Variants in ADGRL3 observed in about 807,000 individuals in gnomAD.
The protein encoded by ADGRL3 is adhesion G protein-coupled receptor L3, also known as calcium-independent alpha-latrotoxin receptor 3.
A neutral mutation model predicts 153.5 loss-of-function variants in ADGRL3; 62 were observed. The observed-to-expected ratio is 0.40, with a 90% CI of 0.33 to 0.50. ADGRL3 has a LOEUF of 0.50. Among genes scored for constraint, ADGRL3 ranks in the 20% least tolerant of loss-of-function variants. ADGRL3 has a pLI of 0.47. For synonymous variants in ADGRL3, 710 were observed against 672.5 expected (o/e 1.06, Z -0.86); for missense variants, 1,641 against 1,859.4 (o/e 0.88, Z 2.16).
chr4:61,710,293 A>T (rs1189286244), intron 6 of ADGRL3, among the ~76,000 whole-genome samples: 4 of 152,194 alleles, frequency 2.6e-5, no homozygotes, highest in African/African-American at 9.7e-5. Context: ...CATAAAGAAA[A>T]GCTAATGGGG....
intron 1 of ADGRL3, among the ~76,000 whole-genome samples, chr4:61,273,042 A>T (rs2093280756): frequency 6.6e-6 from 1 of 152,142 alleles, no homozygotes; most frequent in Non-Finnish European, 1.5e-5. Flanking sequence ...ATAGGGGATG[A>T]TGATAAAACC....
intron 2 of ADGRL3, among the ~76,000 whole-genome samples, chr4:61,437,198 A>C (rs1426630605): frequency 6.6e-6 from 1 of 152,222 alleles, no homozygotes; most frequent in African/African-American, 2.4e-5. Flanking sequence ...CTAAAAATAC[A>C]GAATGTTCAG....
At chr4:61,895,016 A>G (rs1360436249) in intron 10 of ADGRL3, among the ~76,000 whole-genome samples, 1 of 152,144 alleles carries the variant, frequency 6.6e-6, no homozygotes, top group Non-Finnish European at 1.5e-5. Context: ...CCCAAAGAAC[A>G]TATATTTTTC....
intron 8 of ADGRL3, among the ~76,000 whole-genome samples, chr4:61,780,747 C>T (rs953515378): frequency 2.6e-5 from 4 of 152,108 alleles, no homozygotes; most frequent in Non-Finnish European, 4.4e-5. Flanking sequence ...ATTTATTCTG[C>T]CTCTTCAAGG....
chr4:62,040,659 A>T (rs2151628370), intron 24 of ADGRL3, among the ~76,000 whole-genome samples: 1 of 152,222 alleles, frequency 6.6e-6, no homozygotes, highest in South Asian at 2.1e-4. Context: ...TGGGGATAAA[A>T]TGGTTAAAAG....
At chr4:62,031,724 A>T in intron 23 of ADGRL3, 114 bp downstream of exon 23, 1 of 710,708 alleles carries the variant, frequency 1.4e-6, no homozygotes, top group Non-Finnish European at 2.2e-6. Flanking sequence ...AGAAATAAAG[A>T]TACTCATCAT....
intron 2 of ADGRL3, among the ~76,000 whole-genome samples, chr4:61,417,451 A>T (rs189699023): frequency 3.3e-5 from 5 of 151,984 alleles, no homozygotes; most frequent in African/African-American, 9.7e-5. Context: ...TTGTGCCACC[A>T]CACTCCAGCC....
At chr4:61,422,260 A>G (rs1188688680) in intron 2 of ADGRL3, among the ~76,000 whole-genome samples, 15 of 152,332 alleles carry the variant, frequency 9.8e-5, no homozygotes, top group East Asian at 3.9e-4. Context: ...AACATTTTCA[A>G]TGTATCAACT....
rs2097924246 is a variant in ADGRL3, at chr4:61,835,714, A to C, written c.1480+21825A>C. On this transcript the variant is annotated intron_variant, in intron 9 of 26. Transcript: ENST00000683033. ...GGAAAATTCAAGACAAGAAACCAGA[A>C]GCTATCCATGGGGGGAAAAAACCTC... Among the ~76,000 whole-genome samples the C allele has an allele frequency of 5.3e-5, 8 of 152,130 alleles. No homozygotes were observed. In the South Asian group the frequency reaches 1.7e-3, roughly 31 times the overall value.
At chr4:61,632,240 C>A (rs77082788) in intron 5 of ADGRL3, among the ~76,000 whole-genome samples, 1,589 of 152,138 alleles carry the variant, frequency 0.01, 33 homozygotes, top group African/African-American at 0.036. Context: ...TATTTTTGGA[C>A]ACTGGAAATT....
intron 1 of ADGRL3, among the ~76,000 whole-genome samples, chr4:61,311,219 A>G (rs1001762976): frequency 6.6e-6 from 1 of 152,200 alleles, no homozygotes; most frequent in Non-Finnish European, 1.5e-5. Flanking sequence ...TATTCAGTGC[A>G]TGACAGATCA....
At chr4:61,908,756 T>A (rs751769050) in intron 11 of ADGRL3, among the ~76,000 whole-genome samples, 19 of 152,188 alleles carry the variant, frequency 1.2e-4, no homozygotes, top group Non-Finnish European at 2.4e-4. Context: ...ACAAAGAAGA[T>A]TATAACTTGG....
At position 61,653,261 on chromosome 4, in the gene ADGRL3, G is replaced by A. The variant is rs555055688; in HGVS notation, c.474-23565G>A. ...CAACTGTTTGCAAGCCAGGTAGAGA[G>A]CCCTCACCAGAAACCAAGCCTGCTG... On this transcript the variant is annotated intron_variant, in intron 5 of 26. Coordinates refer to ENST00000683033, the MANE Select transcript of ADGRL3 (RefSeq NM_001387552.1). Among the ~76,000 whole-genome samples the A allele has an allele frequency of 4.1e-4, 63 of 152,008 alleles. 1 individual carries two copies. The South Asian group carries it at 0.011, about 27-fold the overall frequency.
chr4:61,787,749 C>A (rs1274471434), intron 8 of ADGRL3, among the ~76,000 whole-genome samples: 1 of 151,810 alleles, frequency 6.6e-6, no homozygotes, highest in Non-Finnish European at 1.5e-5. Flanking sequence ...CAGTAAAATT[C>A]ACTCATTTTA....
chr4:61,427,569 C>T (rs539238215), intron 2 of ADGRL3: 37 of 153,138 alleles, frequency 2.4e-4, no homozygotes, highest in African/African-American at 8.9e-4. Flanking sequence ...GACATGTGCT[C>T]CACCACAGTA....
intron 5 of ADGRL3, among the ~76,000 whole-genome samples, chr4:61,666,743 C>A (rs1253673133): frequency 2.0e-5 from 3 of 152,064 alleles, no homozygotes; most frequent in African/African-American, 7.2e-5. Context: ...TAAGCAATAT[C>A]TTTATTTGCT....
At chr4:61,226,455 G>C (rs1748008556) in intron 1 of ADGRL3, among the ~76,000 whole-genome samples, 1 of 152,058 alleles carries the variant, frequency 6.6e-6, no homozygotes, top group African/African-American at 2.4e-5. Flanking sequence ...GAAATCTCTT[G>C]TTTTCTGTGC....
rs572848927 is a variant in ADGRL3, at chr4:61,746,505, C to A, written c.1399+12951C>A. 2.1e-4 allele frequency among the ~76,000 whole-genome samples: 32 copies of A among 151,538 alleles called. 1 individual carries two copies. Among genetic ancestry groups the A allele is most frequent in the Admixed American group, 1.8e-3 (27 of 15,242 alleles). ...AAAAGAACAGAAATTATAACAAACT[C>A]TCTCTGAGACCACAGTGCAATCAAA... On this transcript the variant is annotated intron_variant, in intron 8 of 26. Transcript: ENST00000683033.
intron 5 of ADGRL3, among the ~76,000 whole-genome samples, chr4:61,649,089 A>AT (rs2094151701): frequency 6.6e-6 from 1 of 152,010 alleles, no homozygotes; most frequent in Non-Finnish European, 1.5e-5. Flanking sequence ...ATATAAGAAA[A>AT]TAAGATCTTT....
Sources: gnomAD v4.1 joint callset for allele counts (sites outside exome capture counted in the v4.1 genomes callset) on GRCh38, gnomAD v4.1.1 for gene constraint, MANE v1.5 for transcripts, NCBI Gene and HGNC (gene_info 2026-07-23, HGNC 2026-07-21) for gene names.